The following NSUN6 variants were observed in gnomAD, a reference collection of about 807,000 sequenced individuals.
The protein encoded by NSUN6 is tRNA (cytosine(72)-C(5))-methyltransferase NSUN6.
In NSUN6, 64 loss-of-function variants were observed where a neutral mutation model predicts 58.0. That is an observed-to-expected ratio of 1.10 (90% CI 0.90 to 1.36). The LOEUF (loss-of-function observed/expected upper bound fraction) is 1.36, where lower values mean the gene tolerates loss of function less well. Among genes scored for constraint, NSUN6 ranks in the 40% most tolerant of loss-of-function variants. The pLI is 0.00. For missense variants in NSUN6, 701 were observed against 550.1 expected (o/e 1.27, Z -2.74); for synonymous variants, 231 against 193.9 (o/e 1.19, Z -1.59).
chr10:18,563,376 G>T (rs980659733), intron 8 of NSUN6, among the ~76,000 whole-genome samples: 29 of 151,062 alleles, frequency 1.9e-4, no homozygotes, highest in African/African-American at 6.3e-4. Flanking sequence ...GAATGGAATG[G>T]AACGGAGAAT....
At chr10:18,643,682 CT>C (rs149127778) in intron 2 of NSUN6, among the ~76,000 whole-genome samples, 7,371 of 152,212 alleles carry the variant, frequency 0.048, 274 homozygotes, top group Non-Finnish European at 0.077. Context: ...ATCCTTCTTC[CT>C]TTCTCTTTCC....
rs939940961 is a variant in NSUN6, at chr10:18,651,397, C to T, written c.-194G>A. The T allele has an allele frequency of 4.7e-6, 6 of 1,287,538 alleles. No homozygotes were observed. The Admixed American group carries it at 1.2e-4, about 26-fold the overall frequency. The allele number at this position is 1,287,538 out of a possible 1,614,324, so 79.8% of individuals were successfully genotyped here. A position where few individuals can be genotyped will look rare whatever the true frequency, so the allele number is the denominator to read the frequency against. On this transcript the variant is annotated 5_prime_UTR_variant, in exon 1 of 11. Coordinates refer to ENST00000377304, the MANE Select transcript of NSUN6 (RefSeq NM_182543.5). ...AGCCTAGCCGATTAGAAGGGGCTGC[C>T]GGGCTTCCACCACACCTCATCGAGG...
At chr10:18,583,240 T>C (rs981115053) in intron 8 of NSUN6, among the ~76,000 whole-genome samples, 1 of 152,172 alleles carries the variant, frequency 6.6e-6, no homozygotes, top group African/African-American at 2.4e-5. Flanking sequence ...CTGCTAACAA[T>C]AGATAACCAC....
chr10:18,579,295 T>G (rs1483269784), intron 8 of NSUN6, among the ~76,000 whole-genome samples: 9 of 152,034 alleles, frequency 5.9e-5, no homozygotes, highest in Admixed American at 5.9e-4. Flanking sequence ...CTCAGCCTCC[T>G]GAGTAGCTGG....
At chr10:18,565,686 C>G (rs2055872870) in intron 8 of NSUN6, among the ~76,000 whole-genome samples, 1 of 151,326 alleles carries the variant, frequency 6.6e-6, no homozygotes, top group Middle Eastern at 3.2e-3. Flanking sequence ...ATTCTTCCTT[C>G]CATTCCATTC....
chr10:18,638,947 TAAAAAA>T (rs35673571), intron 3 of NSUN6, among the ~76,000 whole-genome samples: 1 of 107,074 alleles, frequency 9.3e-6, no homozygotes, highest in African/African-American at 3.7e-5. Flanking sequence ...TTGACAATGT[TAAAAAA>T]AAAAAAAAAA....
intron 3 of NSUN6, among the ~76,000 whole-genome samples, chr10:18,629,081 G>C (rs36173932): frequency 6.6e-6 from 1 of 151,918 alleles, no homozygotes; most frequent in Non-Finnish European, 1.5e-5. Context: ...CAAGCCAGAA[G>C]AGAGTGGGGG....
At chr10:18,639,517 T>A (rs1013533787) in intron 3 of NSUN6, among the ~76,000 whole-genome samples, 4 of 151,948 alleles carry the variant, frequency 2.6e-5, no homozygotes, top group African/African-American at 9.7e-5. Context: ...AACAAAAAAA[T>A]TTTAAAAACA....
At chr10:18,594,498 G>A (rs899245305) in intron 7 of NSUN6, among the ~76,000 whole-genome samples, 1 of 151,848 alleles carries the variant, frequency 6.6e-6, no homozygotes, top group Non-Finnish European at 1.5e-5. Flanking sequence ...ACCCATGCTG[G>A]AGTGCAGTGG....
intron 3 of NSUN6, among the ~76,000 whole-genome samples, chr10:18,616,788 A>G (rs2058425348): frequency 6.6e-6 from 1 of 152,076 alleles, no homozygotes; most frequent in Non-Finnish European, 1.5e-5. Flanking sequence ...CATTTCTTAG[A>G]CCACTAAAAT....
chr10:18,657,069 C>A (rs1195920416), upstream of NSUN6, among the ~76,000 whole-genome samples: 2 of 152,088 alleles, frequency 1.3e-5, no homozygotes, highest in Non-Finnish European at 2.9e-5. Context: ...CTCAAGTAAT[C>A]CACCTGCCTT....
chr10:18,545,716 T>TTA lies in NSUN6; in HGVS notation c.*216_*217insTA. 2.5e-6 allele frequency: 1 copy of TTA among 394,380 alleles called. No individual in the cohort carries two copies. Among genetic ancestry groups the TTA allele is most frequent in the Non-Finnish European group, 4.4e-6 (1 of 226,512 alleles). The allele number at this position is 394,380 out of a possible 1,614,324, so 24.4% of individuals were successfully genotyped here. On this transcript the variant is annotated 3_prime_UTR_variant, in exon 11 of 11. Transcript: ENST00000377304. ...TTTTCTTTATACTCTACTAAATACA[T>TTA]AAAAAAAAAAAATCTTTTAAAAACA... is the stretch of plus-strand genomic sequence containing the variant.
chr10:18,629,278 T>C (rs568525385), intron 3 of NSUN6, among the ~76,000 whole-genome samples: 202 of 152,166 alleles, frequency 1.3e-3, no homozygotes, highest in African/African-American at 4.6e-3. Context: ...AAGGAACAAC[T>C]GCTACCAGCC....
intron 3 of NSUN6, among the ~76,000 whole-genome samples, chr10:18,630,005 T>G (rs1366137107): frequency 1.1e-4 from 17 of 150,046 alleles, no homozygotes; most frequent in Non-Finnish European, 5.9e-5. Flanking sequence ...TACTTGGAAG[T>G]AAAGCTCTCC....
chr10:18,549,420 C>A (rs1392268637), intron 9 of NSUN6, among the ~76,000 whole-genome samples: 1 of 152,168 alleles, frequency 6.6e-6, no homozygotes, highest in Non-Finnish European at 1.5e-5. Flanking sequence ...CGTTCCCGGG[C>A]ACTCTGTAGA....
intron 5 of NSUN6, among the ~76,000 whole-genome samples, chr10:18,610,503 G>T (rs564743026): frequency 6.6e-6 from 1 of 152,322 alleles, no homozygotes; most frequent in Admixed American, 6.5e-5. Context: ...TTTCTGTAGA[G>T]ATTTGAACAG....
chr10:18,646,187 T>A (rs12359758), intron 2 of NSUN6, among the ~76,000 whole-genome samples: 1 of 151,890 alleles, frequency 6.6e-6, no homozygotes, highest in Non-Finnish European at 1.5e-5. Flanking sequence ...AGAGCGAGAC[T>A]CCATCTAAAA....
At chr10:18,626,776 G>A (rs1202058668) in intron 3 of NSUN6, among the ~76,000 whole-genome samples, 1 of 150,954 alleles carries the variant, frequency 6.6e-6, no homozygotes, top group Admixed American at 6.6e-5. Context: ...CTGGGTGGGG[G>A]AAAAAAAAAG....
intron 10 of NSUN6, among the ~76,000 whole-genome samples, chr10:18,547,445 A>G (rs1435643766): frequency 6.6e-6 from 1 of 152,198 alleles, no homozygotes; most frequent in Non-Finnish European, 1.5e-5. Context: ...ATGTATTCCC[A>G]TTACCTAATT....
Sources: gnomAD v4.1 joint callset for allele counts (sites outside exome capture counted in the v4.1 genomes callset) on GRCh38, gnomAD v4.1.1 for gene constraint, MANE v1.5 for transcripts, NCBI Gene and HGNC (gene_info 2026-07-23, HGNC 2026-07-21) for gene names.